Variants in TTC7A observed in about 807,000 individuals in gnomAD.
The protein encoded by TTC7A is tetratricopeptide repeat protein 7A.
A neutral mutation model predicts 103.7 loss-of-function variants in TTC7A; 110 were observed. The ratio of observed to expected loss-of-function variants is 1.06; its 90% CI spans 0.91 to 1.24. The LOEUF (loss-of-function observed/expected upper bound fraction) is 1.24. Ranked by LOEUF, TTC7A falls within the 50% of genes most tolerant of loss-of-function variation. TTC7A has a pLI of 0.00. For missense variants in TTC7A, 1,340 were observed against 1,116.3 expected (o/e 1.20, Z -2.86); for synonymous variants, 521 against 467.9 (o/e 1.11, Z -1.47).
rs7564738 is a variant in TTC7A, at chr2:46,973,656, G to C, written c.518-1317G>C. On this transcript the variant is annotated intron_variant, in intron 3 of 19. Coordinates refer to ENST00000319190, the MANE Select transcript of TTC7A (RefSeq NM_020458.4). ...TTCTGAACCCCCTGCCTCAGCTCCAGATACCTTCACAGGCAGCTGAGTCCC... is the reference window on the plus strand; with the variant it reads ...TTCTGAACCCCCTGCCTCAGCTCCACATACCTTCACAGGCAGCTGAGTCCC... Among the ~76,000 whole-genome samples, 102 of 152,306 alleles carry C rather than the reference G, an allele frequency of 6.7e-4. 1 individual carries two copies. Among genetic ancestry groups the C allele is most frequent in the African/African-American group, 2.4e-3 (99 of 41,556 alleles).
chr2:46,977,117 G>A (rs889750386), intron 4 of TTC7A, among the ~76,000 whole-genome samples: 3 of 152,216 alleles, frequency 2.0e-5, no homozygotes, highest in Non-Finnish European at 4.4e-5. Flanking sequence ...TTCAAAAGGG[G>A]ATTAAGGCGA....
intron 5 of TTC7A, among the ~76,000 whole-genome samples, chr2:46,989,891 C>T (rs961757408): frequency 2.6e-5 from 4 of 151,772 alleles, no homozygotes; most frequent in Admixed American, 1.3e-4. Flanking sequence ...CCCAAGCTTC[C>T]AGGTAATGCC....
intron 2 of TTC7A, among the ~76,000 whole-genome samples, chr2:46,921,240 C>G (rs1387151021): frequency 6.6e-6 from 1 of 152,146 alleles, no homozygotes; most frequent in Non-Finnish European, 1.5e-5. Flanking sequence ...TCTTTATTCA[C>G]AGATAATATG....
chr2:46,980,044 C>G (rs1674282794), intron 5 of TTC7A, among the ~76,000 whole-genome samples: 1 of 152,212 alleles, frequency 6.6e-6, no homozygotes, highest in Non-Finnish European at 1.5e-5. Context: ...TTGTCACTGA[C>G]TGCCTGGAGT....
intron 3 of TTC7A, among the ~76,000 whole-genome samples, chr2:46,965,776 T>C (rs1558516637): frequency 6.6e-6 from 1 of 152,098 alleles, no homozygotes; most frequent in African/African-American, 2.4e-5. Flanking sequence ...TTAGCCAGGC[T>C]GTTCTTGAAC....
intron 5 of TTC7A, among the ~76,000 whole-genome samples, chr2:46,987,218 C>T (rs527554463): frequency 6.6e-6 from 1 of 152,296 alleles, no homozygotes; most frequent in East Asian, 1.9e-4. Flanking sequence ...GAGCCTCGCC[C>T]CAGGCAGTTC....
At chr2:47,034,751 C>T (rs898988948) in intron 15 of TTC7A, among the ~76,000 whole-genome samples, 2 of 152,204 alleles carry the variant, frequency 1.3e-5, no homozygotes, top group Non-Finnish European at 2.9e-5. Flanking sequence ...TTCCCACCCC[C>T]TGGAACCTCC....
chr2:47,000,241 G>T (rs1214768748), intron 8 of TTC7A, among the ~76,000 whole-genome samples: 1 of 149,150 alleles, frequency 6.7e-6, no homozygotes, highest in Non-Finnish European at 1.5e-5. Flanking sequence ...ACTGGATTAA[G>T]GGTGCCATTC....
chr2:47,029,131 G>A (rs1406326606), intron 14 of TTC7A, 93 bp from the exon 15 acceptor site: 2 of 1,466,276 alleles, frequency 1.4e-6, no homozygotes, highest in Non-Finnish European at 1.9e-6. Context: ...CCCTTGAGTT[G>A]AGTGTGAGTG....
chr2:47,067,744 T>C (rs952814624), intron 19 of TTC7A: 1 of 152,174 alleles, frequency 6.6e-6, no homozygotes, highest in Non-Finnish European at 1.5e-5. Flanking sequence ...CACCTAGGGC[T>C]GTTGTTAGAA....
chr2:47,063,208 C>T (rs1413721044), intron 19 of TTC7A, among the ~76,000 whole-genome samples: 1 of 152,220 alleles, frequency 6.6e-6, no homozygotes, highest in African/African-American at 2.4e-5. Context: ...ACACATTTAA[C>T]TTGCATGCTC....
At chr2:47,030,228 A>G (rs555135339) in intron 15 of TTC7A, among the ~76,000 whole-genome samples, 1 of 152,352 alleles carries the variant, frequency 6.6e-6, no homozygotes, top group Admixed American at 6.5e-5. Context: ...GGAAGAAGCT[A>G]GAGTCCTGGC....
chr2:47,046,347 T>G lies in TTC7A; in HGVS notation c.1835T>G (p.Val612Gly), dbSNP rs1682314874. The G allele has an allele frequency of 1.2e-6, 2 of 1,614,044 alleles. No individual in the cohort carries two copies. The highest frequency in any genetic ancestry group is 1.3e-5 in the African/African-American group (1 of 74,940). Residue 612 changes from valine to glycine, a missense_variant, in exon 16 of 20, where the codon GTG becomes GGG. By Grantham distance (109) the Val-to-Gly change is moderately radical (BLOSUM62 -3). Transcript: ENST00000319190. The part of the protein sequence containing the change: ...LMFTKVKLEQ[V>G]LKGPEEALVT... Reference sequence around the variant, plus strand: ...TTCACCAAGGTGAAGCTGGAGCAGGTGCTGAAAGGCCCAGAGGAAGCCCTC... The same window carrying G: ...TTCACCAAGGTGAAGCTGGAGCAGGGGCTGAAAGGCCCAGAGGAAGCCCTC...
At chr2:47,011,877 C>A (rs1440910756) in intron 11 of TTC7A, among the ~76,000 whole-genome samples, 5 of 152,256 alleles carry the variant, frequency 3.3e-5, no homozygotes, top group African/African-American at 9.6e-5. Context: ...TTTCTGTCAG[C>A]CCCTCTCCTT....
chr2:47,032,895 A>G (rs943836611), intron 15 of TTC7A, among the ~76,000 whole-genome samples: 1 of 148,702 alleles, frequency 6.7e-6, no homozygotes, highest in Admixed American at 6.8e-5. Context: ...TTGTATCTCT[A>G]TATACCATTT....
chr2:47,036,813 A>T (rs1294690680), intron 15 of TTC7A, among the ~76,000 whole-genome samples: 1 of 152,318 alleles, frequency 6.6e-6, no homozygotes, highest in East Asian at 1.9e-4. Context: ...AGCTGTGATC[A>T]CACTATTACA....
chr2:47,033,962 C>T (rs960086029), intron 15 of TTC7A, among the ~76,000 whole-genome samples: 2 of 152,190 alleles, frequency 1.3e-5, no homozygotes, highest in Non-Finnish European at 2.9e-5. Flanking sequence ...CAGGCAGCCT[C>T]TAGGCTCCCG....
chr2:46,949,643 C>T (rs1192458501), intron 1 of TTC7A, among the ~76,000 whole-genome samples: 1 of 152,210 alleles, frequency 6.6e-6, no homozygotes, highest in Non-Finnish European at 1.5e-5. Flanking sequence ...AGGTATTCAA[C>T]ATGTTCGAGG....
At chr2:47,041,211 C>T (rs1490647229) in intron 15 of TTC7A, among the ~76,000 whole-genome samples, 1 of 152,158 alleles carries the variant, frequency 6.6e-6, no homozygotes, top group Non-Finnish European at 1.5e-5. Flanking sequence ...GGCCAGCGCT[C>T]TGCTTGTCAG....
Sources: allele counts gnomAD v4.1 joint callset (sites outside exome capture counted in the v4.1 genomes callset), GRCh38; gene constraint gnomAD v4.1.1; transcripts MANE v1.5; gene names NCBI Gene and HGNC (gene_info 2026-07-23, HGNC 2026-07-21).